RANBP2: variants seen among roughly 807,000 people sequenced by gnomAD.
RANBP2 encodes E3 SUMO-protein ligase RanBP2.
In RANBP2, 57 loss-of-function variants were observed where a neutral mutation model predicts 303.6. That is an observed-to-expected ratio of 0.19 (90% CI 0.15 to 0.23). The LOEUF is 0.23. RANBP2 is among the 10% of genes least tolerant of loss of function. RANBP2 has a pLI of 1.00. For missense variants in RANBP2, 3,138 were observed against 3,780.8 expected (o/e 0.83, Z 4.46); for synonymous variants, 1,167 against 1,301.5 (o/e 0.90, Z 2.23).
the RANBP2 span, chr2:109,733,031 C>T: frequency 2.4e-4 from 139 of 571,064 alleles, no homozygotes; most frequent in South Asian, 1.6e-3. Context: ...TCTTCCACCT[C>T]GTCGCAGACC....
chr2:109,228,657 C>G, the RANBP2 span, among the ~76,000 whole-genome samples: 3 of 152,100 alleles, frequency 2.0e-5, no homozygotes, highest in African/African-American at 7.2e-5. Context: ...GGCTGCAAAT[C>G]TGGTTTATTA....
In RANBP2 at chr2:108,753,333, G is replaced by A. The variant is rs776368635; in HGVS notation, c.1918-93G>A. ...GACAGAGAAGAATAATGAGATGTTTGTCTCTTAAGATCATATAAAATCTTT... is the reference window on the plus strand; with the variant it reads ...GACAGAGAAGAATAATGAGATGTTTATCTCTTAAGATCATATAAAATCTTT... On this transcript the variant is annotated intron_variant, in intron 13 of 28. Coordinates refer to ENST00000283195, the MANE Select transcript of RANBP2 (RefSeq NM_006267.5). The A allele has an allele frequency of 2.4e-5, 38 of 1,601,372 alleles. No individual in the cohort carries two copies. In the Admixed American group the frequency reaches 2.9e-4, roughly 12 times the overall value.
At chr2:109,508,510 T>C in the RANBP2 span, among the ~76,000 whole-genome samples, 384 of 151,256 alleles carry the variant, frequency 2.5e-3, 2 homozygotes, top group Non-Finnish European at 4.5e-3. Flanking sequence ...TTTAGGAAAA[T>C]GAGATATAAA....
chr2:109,723,284 TGGGACTACA>T, the RANBP2 span, among the ~76,000 whole-genome samples: 1 of 152,320 alleles, frequency 6.6e-6, no homozygotes, highest in Non-Finnish European at 1.5e-5. Context: ...CCTGAGTGGC[TGGGACTACA>T]GGTGTGTGCC....
chr2:109,055,140 G>A, the RANBP2 span, among the ~76,000 whole-genome samples: 4 of 152,048 alleles, frequency 2.6e-5, no homozygotes, highest in South Asian at 2.1e-4. Context: ...GCATTTTCAC[G>A]ATGACTAATG....
the RANBP2 span, among the ~76,000 whole-genome samples, chr2:108,989,718 C>A: frequency 6.6e-6 from 1 of 152,222 alleles, no homozygotes; most frequent in East Asian, 1.9e-4. Flanking sequence ...ACACACCCCC[C>A]GTATAACTAG....
At chr2:109,170,671 T>C in the RANBP2 span, among the ~76,000 whole-genome samples, 35 of 152,134 alleles carry the variant, frequency 2.3e-4, no homozygotes, top group Non-Finnish European at 4.3e-4. Context: ...TTCCTAAGGG[T>C]TCATCCTGCT....
chr2:109,488,114 G>A, the RANBP2 span, among the ~76,000 whole-genome samples: 1 of 152,186 alleles, frequency 6.6e-6, no homozygotes, highest in African/African-American at 2.4e-5. Flanking sequence ...CTGCAGAGTG[G>A]GCTCCGCCGG....
the RANBP2 span, among the ~76,000 whole-genome samples, chr2:109,186,166 G>C: frequency 6.6e-6 from 1 of 152,240 alleles, no homozygotes; most frequent in African/African-American, 2.4e-5. Flanking sequence ...CCCAGCATTT[G>C]AAAATGTCAT....
chr2:108,769,945 C>T (rs1322399824), intron 20 of RANBP2, among the ~76,000 whole-genome samples: 1 of 129,950 alleles, frequency 7.7e-6, no homozygotes. Context: ...GATAAAGTAG[C>T]AATCTCTGAT....
chr2:109,406,886 G>A, the RANBP2 span, among the ~76,000 whole-genome samples: 84 of 152,278 alleles, frequency 5.5e-4, no homozygotes, highest in African/African-American at 2.0e-3. Flanking sequence ...TGAGGGGTGG[G>A]CACATGGAGT....
At chr2:109,577,605 A>G in the RANBP2 span, among the ~76,000 whole-genome samples, 1 of 151,438 alleles carries the variant, frequency 6.6e-6, no homozygotes, top group Non-Finnish European at 1.5e-5. Flanking sequence ...ATTTAAAAAA[A>G]AAAAAAAGAA....
chr2:109,030,977 C>T, the RANBP2 span, among the ~76,000 whole-genome samples: 1 of 152,188 alleles, frequency 6.6e-6, no homozygotes, highest in African/African-American at 2.4e-5. Flanking sequence ...CAGACTAACA[C>T]AGTGTGCATG....
chr2:108,780,354 G>A (rs1191902235), intron 25 of RANBP2, among the ~76,000 whole-genome samples: 2 of 136,096 alleles, frequency 1.5e-5, no homozygotes, highest in Non-Finnish European at 3.2e-5. Context: ...CACCACGCCC[G>A]GCTAATTTTT....
the RANBP2 span, among the ~76,000 whole-genome samples, chr2:109,161,084 C>A: frequency 2.6e-5 from 4 of 152,212 alleles, no homozygotes; most frequent in East Asian, 7.7e-4. Flanking sequence ...ACAAGGCAAT[C>A]GACTGTTCAT....
the RANBP2 span, among the ~76,000 whole-genome samples, chr2:109,404,028 C>A: frequency 7.9e-5 from 12 of 152,290 alleles, no homozygotes; most frequent in African/African-American, 2.4e-4. Flanking sequence ...ACACCAGGCA[C>A]CAGACACATC....
chr2:109,600,878 A>G, the RANBP2 span, among the ~76,000 whole-genome samples: 1 of 152,192 alleles, frequency 6.6e-6, no homozygotes, highest in Non-Finnish European at 1.5e-5. Flanking sequence ...CATTTGCTCC[A>G]TTTACCAGTT....
chr2:109,334,734 C>G, the RANBP2 span, among the ~76,000 whole-genome samples: 1 of 152,198 alleles, frequency 6.6e-6, no homozygotes, highest in African/African-American at 2.4e-5. Context: ...CTCATGAGAA[C>G]AGGAGGCGAT....
chr2:109,449,205 A>T, the RANBP2 span: 15 of 1,613,478 alleles, frequency 9.3e-6, no homozygotes, highest in Non-Finnish European at 1.3e-5. Flanking sequence ...GGACCGGCCA[A>T]CTGCCACCGT....
Sources: allele counts gnomAD v4.1 joint callset (sites outside exome capture counted in the v4.1 genomes callset), GRCh38; gene constraint gnomAD v4.1.1; transcripts MANE v1.5; gene names NCBI Gene and HGNC (gene_info 2026-07-23, HGNC 2026-07-21).